The following SBNO2 variants were observed in gnomAD, a reference collection of about 807,000 sequenced individuals.
SBNO2 encodes strawberry notch homolog 2, also known as protein strawberry notch homolog 2.
Under a neutral mutation model 146.3 loss-of-function variants are expected in SBNO2, and 89 were observed. That is an observed-to-expected ratio of 0.61 (90% confidence interval 0.51 to 0.73). SBNO2 has a LOEUF of 0.73. Among genes scored for constraint, SBNO2 ranks in the 30% least tolerant of loss-of-function variants. SBNO2 has a pLI of 0.00. For missense variants in SBNO2, 2,092 were observed against 2,003.7 expected (o/e 1.04, Z -0.84); for synonymous variants, 1,147 against 892.6 (o/e 1.29, Z -5.08).
chr19:1,122,464 C>A lies in SBNO2; in HGVS notation c.1005+4G>T. 1 of 1,569,310 alleles carries A rather than the reference C, an allele frequency of 6.4e-7. No individual in the cohort carries two copies. The highest frequency in any genetic ancestry group is 8.6e-7 in the Non-Finnish European group (1 of 1,159,256). ...CCCCCTACTTTGCCGAGCACAGCCC[C>A]TACCTTGCTGAGCGCGTGCACCGCG... On this transcript the variant is annotated splice_donor_region_variant and intron_variant, in intron 10 of 31. Transcript: ENST00000361757.
rs1170870472 is a variant in SBNO2, at chr19:1,112,729, T to TG, written c.2379+88dup. The TG allele has an allele frequency of 8.1e-6, 12 of 1,473,704 alleles. No homozygotes were observed. The highest frequency in any genetic ancestry group is 9.9e-6 in the Non-Finnish European group (11 of 1,109,720). 91.3% of individuals were successfully genotyped at this position (1,473,704 alleles called of 1,614,324 possible). On this transcript the variant is annotated intron_variant, in intron 20 of 31. Coordinates refer to ENST00000361757, the MANE Select transcript of SBNO2 (RefSeq NM_014963.3). This position sits in a 1 kb window ranked among gnomAD's most constrained non-coding sequence, Gnocchi z 5.9. ...ACCTGGCACACACACACTCCAGAAG[T>TG]GCGCGGGTCCACAGTCCCCGGGGAC...
intron 1 of SBNO2, among the ~76,000 whole-genome samples, chr19:1,159,546 G>A (rs1181831578): frequency 1.5e-5 from 1 of 67,422 alleles, no homozygotes; most frequent in Non-Finnish European, 3.2e-5. Context: ...GACAGTGGGG[G>A]GACAGCAGGG....
rs1193173362 is a variant in SBNO2 at position 1,109,628 on chromosome 19, G to A, written c.3124-30C>T. 7.1e-6 allele frequency: 11 copies of A among 1,558,946 alleles called. No individual in the cohort carries two copies. In the South Asian group the frequency reaches 1.2e-4, roughly 16 times the overall value. On this transcript the variant is annotated intron_variant, in intron 27 of 31. Coordinates refer to ENST00000361757, the MANE Select transcript of SBNO2 (RefSeq NM_014963.3). This position sits in a 1 kb window ranked among gnomAD's most constrained non-coding sequence, Gnocchi z 4.2. Reference sequence around the variant, plus strand: ...CACGGCACGGGGTGGGGGGGTGTGAGTGTGGTGGGGGCGGGGTGGGCAGAG... The same window carrying A: ...CACGGCACGGGGTGGGGGGGTGTGAATGTGGTGGGGGCGGGGTGGGCAGAG...
At position 1,150,061 on chromosome 19, in the gene SBNO2, G is replaced by A. The variant is rs892670429; in HGVS notation, c.94-619C>T. On this transcript the variant is annotated intron_variant, in intron 2 of 31. Coordinates refer to ENST00000361757, the MANE Select transcript of SBNO2 (RefSeq NM_014963.3). The surrounding 1 kb of genome is among the most constrained non-coding windows in gnomAD (Gnocchi z 6.2). The stretch of plus-strand genomic sequence containing the variant: ...TTGGGAAATGGTGACCAGTGGCCTG[G>A]AGGCTCAGCCCGAGGTCAGTGGAGG... Among the ~76,000 whole-genome samples, 1 of 152,172 alleles carries A rather than the reference G, an allele frequency of 6.6e-6. No homozygotes were observed. Among genetic ancestry groups the A allele is most frequent in the African/African-American group, 2.4e-5 (1 of 41,418 alleles).
intron 18 of SBNO2, 89 bp from the exon 19 acceptor site, chr19:1,113,793 C>T: frequency 7.2e-7 from 1 of 1,380,450 alleles, no homozygotes. Flanking sequence ...AGGGCAAGGA[C>T]AAGGGGCCCG....
rs901989260 is a variant in SBNO2 at position 1,108,184 on chromosome 19, C to G, written c.*36G>C. ...CCGCTGCTCCTAGGGGAGAAACGGT[C>G]CCTGTGTCTTGGGGCATGTTTCGCC... On this transcript the variant is annotated 3_prime_UTR_variant, in exon 32 of 32. Transcript: ENST00000361757. 3 of 1,508,498 alleles carry G rather than the reference C, an allele frequency of 2.0e-6. No individual in the cohort carries two copies. Among genetic ancestry groups the G allele is most frequent in the East Asian group, 2.7e-5 (1 of 36,510 alleles). 93.4% of individuals were successfully genotyped at this position (1,508,498 alleles called of 1,614,324 possible). A position where few individuals can be genotyped will look rare whatever the true frequency, so the allele number is the denominator to read the frequency against.
chr19:1,123,114 C>T (rs75919268), intron 7 of SBNO2, 69 bp from the exon 8 acceptor site: 73,126 of 1,535,390 alleles, frequency 0.048, 3,177 homozygotes, highest in East Asian at 0.24. Flanking sequence ...GGTTATGGCA[C>T]GCTGGGCGGG....
At chr19:1,138,558 T>G (rs1156335855) in intron 4 of SBNO2, among the ~76,000 whole-genome samples, 4 of 152,010 alleles carry the variant, frequency 2.6e-5, no homozygotes, top group Non-Finnish European at 5.9e-5. Context: ...ACTGGGAAGT[T>G]TGCACCCGTG....
Position 1,120,025 on chromosome 19 carries a change from T to C in SBNO2, c.1150-2A>G. The C allele has an allele frequency of 6.5e-7, 1 of 1,550,334 alleles. No individual in the cohort carries two copies. Among genetic ancestry groups the C allele is most frequent in the African/African-American group, 1.4e-5 (1 of 73,146 alleles). ...TTTGTGACACTCGTCGAACACGATC[T>C]GAGGCACACGTGGGTTAAGGAGTAT... On this transcript the variant is annotated splice_acceptor_variant, in intron 11 of 31. Transcript: ENST00000361757. LOFTEE classifies it high-confidence loss of function.
At position 1,144,590 on chromosome 19, in the gene SBNO2, A is replaced by G. The variant is rs542071066; in HGVS notation, c.279+2719T>C. Among the ~76,000 whole-genome samples, 1 of 150,186 alleles carries G rather than the reference A, an allele frequency of 6.7e-6. No individual in the cohort carries two copies. The highest frequency in any genetic ancestry group is 1.9e-4 in the East Asian group (1 of 5,168). On this transcript the variant is annotated intron_variant, in intron 4 of 31. Transcript: ENST00000361757. This position sits in a 1 kb window ranked among gnomAD's most constrained non-coding sequence, Gnocchi z 4.1. ...GACAGGGAGACAGAGACGCAGAGAC[A>G]TAGAGACATAGAGACAGAGGCAGAG... is the stretch of plus-strand genomic sequence containing the variant.
At chr19:1,154,141 C>T (rs1054080212) in intron 2 of SBNO2, 43 bp downstream of exon 2, 21 of 1,024,278 alleles carry the variant, frequency 2.1e-5, no homozygotes, top group South Asian at 4.9e-5. Flanking sequence ...GGCAAGTGCC[C>T]GTGGACCCCG....
intron 4 of SBNO2, among the ~76,000 whole-genome samples, chr19:1,129,802 A>C (rs538714484): frequency 6.6e-6 from 1 of 152,248 alleles, no homozygotes; most frequent in East Asian, 1.9e-4. Flanking sequence ...GGCAGAGCGG[A>C]GGAGAGCTCC....
At chr19:1,172,517 C>T (rs866403523) in intron 1 of SBNO2, among the ~76,000 whole-genome samples, 3 of 152,288 alleles carry the variant, frequency 2.0e-5, no homozygotes, top group Admixed American at 6.5e-5. Flanking sequence ...CCCATGTCCC[C>T]GCTGCTCCTC....
chr19:1,133,178 T>C (rs908312451), intron 4 of SBNO2, among the ~76,000 whole-genome samples: 3 of 152,132 alleles, frequency 2.0e-5, no homozygotes, highest in Admixed American at 6.5e-5. Context: ...GGGCCCCATC[T>C]GCCTGTACTC....
chr19:1,118,069 C>T (rs571728560), intron 14 of SBNO2, among the ~76,000 whole-genome samples: 2 of 152,346 alleles, frequency 1.3e-5, no homozygotes, highest in Non-Finnish European at 2.9e-5. Flanking sequence ...GGTGTGGTGG[C>T]TCACGCCTGT....
At chr19:1,113,349 G>A (rs532382071) in intron 19 of SBNO2, among the ~76,000 whole-genome samples, 186 bp downstream of exon 19, 11 of 152,268 alleles carry the variant, frequency 7.2e-5, no homozygotes, top group South Asian at 6.2e-4. Context: ...ACAGGAGGTC[G>A]TGGCCTCCCG....
intron 4 of SBNO2, chr19:1,132,373 C>T: frequency 1.3e-6 from 1 of 796,886 alleles, no homozygotes. Flanking sequence ...ACCGGCAGTG[C>T]GAGGAGAATT....
chr19:1,119,465 C>A, intron 13 of SBNO2, 51 bp downstream of exon 13: 1 of 1,370,678 alleles, frequency 7.3e-7, no homozygotes, highest in African/African-American at 1.4e-5. Flanking sequence ...GGGCCTGAGG[C>A]CTCCTCCCCA....
At chr19:1,153,385 C>T (rs1408831441) in intron 2 of SBNO2, among the ~76,000 whole-genome samples, 2 of 151,040 alleles carry the variant, frequency 1.3e-5, no homozygotes, top group South Asian at 4.2e-4. Context: ...TTACAGACAC[C>T]TGCCACCACG....
Sources: gnomAD v4.1 joint callset for allele counts (sites outside exome capture counted in the v4.1 genomes callset) on GRCh38, gnomAD v4.1.1 for gene constraint, Gnocchi (gnomAD v3.1) non-coding constraint, MANE v1.5 for transcripts, NCBI Gene and HGNC (gene_info 2026-07-23, HGNC 2026-07-21) for gene names.